The following SLC20A2 variants were observed in gnomAD, a reference collection of about 807,000 sequenced individuals.
SLC20A2 encodes the protein sodium-dependent phosphate transporter 2.
Under a neutral mutation model 61.0 loss-of-function variants are expected in SLC20A2, and 30 were observed. The observed-to-expected ratio is 0.49, with a 90% CI of 0.37 to 0.67. The LOEUF is 0.67. SLC20A2 is among the 30% of genes least tolerant of loss of function. SLC20A2 has a pLI of 0.00. For synonymous variants in SLC20A2, 351 were observed against 353.3 expected, an observed-to-expected ratio of 0.99 and a Z score of 0.07; for missense variants, 626 against 866.4, an observed-to-expected ratio of 0.72 and a Z score of 3.48.
At chr8:42,485,434 G>T (rs1431125468) in intron 1 of SLC20A2, among the ~76,000 whole-genome samples, 1 of 151,808 alleles carries the variant, frequency 6.6e-6, no homozygotes, top group African/African-American at 2.4e-5. Context: ...CTGAGGTCAG[G>T]AGTTCGAGAC....
At chr8:42,479,204 A>T (rs900391299) in intron 1 of SLC20A2, among the ~76,000 whole-genome samples, 2 of 152,210 alleles carry the variant, frequency 1.3e-5, no homozygotes, top group African/African-American at 4.8e-5. Flanking sequence ...CCCATTCGTT[A>T]GTATTAAGTT....
At chr8:42,428,167 C>G (rs1803555404) in intron 10 of SLC20A2, among the ~76,000 whole-genome samples, 1 of 152,208 alleles carries the variant, frequency 6.6e-6, no homozygotes, top group South Asian at 2.1e-4. Context: ...CTTCAGGGCT[C>G]CTCCCTGCAG....
intron 1 of SLC20A2, among the ~76,000 whole-genome samples, chr8:42,497,511 G>A (rs1810014218): frequency 6.6e-6 from 1 of 152,058 alleles, no homozygotes; most frequent in Non-Finnish European, 1.5e-5. Flanking sequence ...CGGCACCTCT[G>A]TTCCAGCCCA....
rs1802688692 is a variant in SLC20A2, at chr8:42,416,637, AAG to A, written c.*1164_*1165del. Reference sequence around the variant, plus strand: ...TCCTCCCTCCCGCTATCAAAAAAAGAAGAGACTCCAATGGGATGGAGTAGAGC... The same window carrying A: ...TCCTCCCTCCCGCTATCAAAAAAAGAAGACTCCAATGGGATGGAGTAGAGC... On this transcript the variant is annotated 3_prime_UTR_variant, in exon 11 of 11. Coordinates refer to ENST00000520262, the MANE Select transcript of SLC20A2 (RefSeq NM_001257180.2). The A allele has an allele frequency of 6.6e-6, 1 of 152,626 alleles. No homozygotes were observed. The highest frequency in any genetic ancestry group is 1.5e-5 in the Non-Finnish European group (1 of 68,028). The allele number at this position is 152,626 out of a possible 1,614,324, so 9.5% of individuals were successfully genotyped here.
chr8:42,452,763 G>A (rs370775629), intron 5 of SLC20A2, among the ~76,000 whole-genome samples: 1 of 152,074 alleles, frequency 6.6e-6, no homozygotes, highest in Admixed American at 6.6e-5. Flanking sequence ...AGAGGCAGGG[G>A]CAGGCATGTC....
intron 1 of SLC20A2, among the ~76,000 whole-genome samples, chr8:42,516,364 G>T (rs1811322287): frequency 6.6e-6 from 1 of 152,074 alleles, no homozygotes; most frequent in African/African-American, 2.4e-5. Context: ...TAGAATTAAG[G>T]TACCTAAGAG....
chr8:42,444,460 G>A, intron 6 of SLC20A2, among the ~76,000 whole-genome samples, 186 bp downstream of exon 6: 1 of 152,152 alleles, frequency 6.6e-6, no homozygotes, highest in East Asian at 1.9e-4. Flanking sequence ...GCCCACCTGG[G>A]TTACAACTTA....
chr8:42,487,849 T>TC (rs760417596), intron 1 of SLC20A2, among the ~76,000 whole-genome samples: 8 of 152,314 alleles, frequency 5.3e-5, no homozygotes, highest in Admixed American at 6.5e-5. Context: ...GCCACAGAAC[T>TC]CCTTTCATTT....
chr8:42,486,443 G>A (rs866347975), intron 1 of SLC20A2, among the ~76,000 whole-genome samples: 3 of 151,972 alleles, frequency 2.0e-5, no homozygotes, highest in Non-Finnish European at 2.9e-5. Context: ...GCGATCCTCC[G>A]GCCTTGGCCT....
At chr8:42,481,920 T>G (rs1808582279) in intron 1 of SLC20A2, among the ~76,000 whole-genome samples, 1 of 152,198 alleles carries the variant, frequency 6.6e-6, no homozygotes, top group Non-Finnish European at 1.5e-5. Context: ...CAGGGAAGTT[T>G]CTTCCCAGCC....
chr8:42,457,603 C>T (rs1026122493), intron 5 of SLC20A2, among the ~76,000 whole-genome samples: 1 of 152,100 alleles, frequency 6.6e-6, no homozygotes, highest in Non-Finnish European at 1.5e-5. Flanking sequence ...TATCCTGCCT[C>T]AGCCTCCTGA....
intron 5 of SLC20A2, among the ~76,000 whole-genome samples, chr8:42,456,829 T>C (rs1049337945): frequency 2.0e-5 from 3 of 152,100 alleles, no homozygotes; most frequent in African/African-American, 7.2e-5. Context: ...TACCTGGCAT[T>C]ATGAGATGTT....
intron 6 of SLC20A2, among the ~76,000 whole-genome samples, chr8:42,439,900 T>C (rs1195164285): frequency 1.9e-4 from 29 of 151,526 alleles, no homozygotes; most frequent in Admixed American, 1.9e-3. Flanking sequence ...GCCTGGATAA[T>C]ATGGTGAAAC....
At position 42,526,355 on chromosome 8, in the gene SLC20A2, T is replaced by TA. The variant is rs767614361; in HGVS notation, c.-265+15465dup. Among the ~76,000 whole-genome samples, 414 of 145,016 alleles carry TA rather than the reference T, an allele frequency of 2.9e-3. 4 individuals carry two copies. Among genetic ancestry groups the TA allele is most frequent in the Middle Eastern group, 0.011 (3 of 284 alleles). On this transcript the variant is annotated intron_variant, in intron 1 of 10. Transcript: ENST00000342228. Reference sequence around the variant, plus strand: ...TGAACTGAAAACTGTCAAGGTCATTTAAAAAAAAAAAAAGAAGTCTTAGAA... The same window carrying TA: ...TGAACTGAAAACTGTCAAGGTCATTTAAAAAAAAAAAAAAGAAGTCTTAGAA...
chr8:42,509,870 T>C (rs916935431), intron 1 of SLC20A2, among the ~76,000 whole-genome samples: 1 of 152,212 alleles, frequency 6.6e-6, no homozygotes, highest in African/African-American at 2.4e-5. Flanking sequence ...ATGTGATATA[T>C]GCACCTCAAA....
intron 1 of SLC20A2, among the ~76,000 whole-genome samples, chr8:42,496,907 C>T (rs1354230621): frequency 6.6e-6 from 1 of 152,190 alleles, no homozygotes; most frequent in African/African-American, 2.4e-5. Context: ...GCTCCCCACC[C>T]CCCATATGGG....
intron 8 of SLC20A2, among the ~76,000 whole-genome samples, chr8:42,431,239 T>C (rs1803849603): frequency 1.3e-5 from 2 of 152,320 alleles, no homozygotes; most frequent in Middle Eastern, 3.4e-3. Context: ...GCTACTTCAA[T>C]GAACACATGA....
intron 1 of SLC20A2, among the ~76,000 whole-genome samples, chr8:42,518,020 A>T (rs183013399): frequency 6.6e-6 from 1 of 152,332 alleles, no homozygotes; most frequent in Non-Finnish European, 1.5e-5. Flanking sequence ...AGCTCACTGC[A>T]ACCTCCGCCT....
chr8:42,437,161 C>A lies in SLC20A2; in HGVS notation c.1351G>T (p.Gly451Cys), dbSNP rs541110550. ...TCCGACGCCAGCTTCATCTCCACGC[C>A]GCCCTCCTCCGCCTCGATCTCCGCC... The part of the protein sequence containing the change: ...AEAEIEAEEG[G>C]VEMKLASELA... The change falls in exon 8 of 11, where the codon GGC becomes TGC. Residue 451 changes from glycine (G) to cysteine (C), a missense_variant. Coordinates refer to ENST00000520262, the MANE Select transcript of SLC20A2 (RefSeq NM_001257180.2). The surrounding 1 kb of genome is among the most constrained non-coding windows in gnomAD (Gnocchi z 6.4). The A allele has an allele frequency of 6.2e-7, 1 of 1,613,666 alleles. No homozygotes were observed. The highest frequency in any genetic ancestry group is 8.5e-7 in the Non-Finnish European group (1 of 1,180,036).
Sources: gnomAD v4.1 joint callset for allele counts (sites outside exome capture counted in the v4.1 genomes callset) on GRCh38, gnomAD v4.1.1 for gene constraint, Gnocchi (gnomAD v3.1) non-coding constraint, MANE v1.5 for transcripts, NCBI Gene and HGNC (gene_info 2026-07-23, HGNC 2026-07-21) for gene names.